DLEC1: variants seen among roughly 807,000 people sequenced by gnomAD.
DLEC1 encodes the protein deleted in lung and esophageal cancer protein 1.
In DLEC1, 146 loss-of-function variants were observed where a neutral mutation model predicts 198.1. That is an observed-to-expected ratio of 0.74 (90% CI 0.64 to 0.85). The LOEUF is 0.85. DLEC1 is among the 40% of genes least tolerant of loss of function. The probability of loss-of-function intolerance (pLI) is 0.00; values close to 1 mark genes in which losing one functional copy is unlikely to be tolerated. For missense variants in DLEC1, 2,233 were observed against 2,220.0 expected (o/e 1.01, Z -0.12); for synonymous variants, 897 against 866.8 (o/e 1.03, Z -0.61).
chr3:38,063,844 T>C lies in DLEC1; in HGVS notation c.1098T>C (p.Cys366=), dbSNP rs1696831331. The part of the protein sequence containing the change: ...EFQSTEPEQS[C]ADTPVFLAKP... ...CCCCTCTTTTTTCATCCCACAGTTG[T>C]GCTGATACTCCAGTGTTTCTAGCTA... Residue 366 remains cysteine (C), a synonymous_variant, in exon 6 of 37, where the codon TGT becomes TGC. Transcript: ENST00000308059. The C allele has an allele frequency of 4.3e-6, 7 of 1,613,412 alleles. No homozygotes were observed. Among genetic ancestry groups the C allele is most frequent in the Non-Finnish European group, 5.9e-6 (7 of 1,179,474 alleles).
chr3:38,088,282 T>C lies in DLEC1; in HGVS notation c.1573-14T>C. 6.2e-7 allele frequency: 1 copy of C among 1,611,586 alleles called. No homozygotes were observed. The highest frequency in any genetic ancestry group is 8.5e-7 in the Non-Finnish European group (1 of 1,177,830). On this transcript the variant is annotated splice_polypyrimidine_tract_variant and intron_variant, in intron 9 of 36. Transcript: ENST00000308059. ...ATGTCTTCCACACTGTTGGGTAATCTGCTTTTCTTTAAGGCCATTGCAACC... is the reference window on the plus strand; with the variant it reads ...ATGTCTTCCACACTGTTGGGTAATCCGCTTTTCTTTAAGGCCATTGCAACC...
chr3:38,121,716 A>G lies in DLEC1; in HGVS notation c.4955A>G (p.Gln1652Arg), dbSNP rs1200048639. Residue 1652 changes from glutamine to arginine, a missense_variant, in exon 35 of 37, where the codon CAG (glutamine) becomes CGG (arginine). By Grantham distance (43) the Gln-to-Arg change is conservative (BLOSUM62 1). Transcript: ENST00000308059. ...TTTGGGACCTGCTTTGTGAGCCAGC[A>G]GCGAGTCCGGGAGGTCTACCTGATG... ...VDFGTCFVSQ[Q>R]RVREVYLMNL... 1.2e-6 allele frequency: 2 copies of G among 1,614,102 alleles called. No individual in the cohort carries two copies. The highest frequency in any genetic ancestry group is 1.7e-6 in the Non-Finnish European group (2 of 1,179,972).
At chr3:38,044,299 C>T (rs1320134249) in intron 1 of DLEC1, among the ~76,000 whole-genome samples, 1 of 152,144 alleles carries the variant, frequency 6.6e-6, no homozygotes, top group Non-Finnish European at 1.5e-5. Flanking sequence ...TGGCTCATAA[C>T]TGCAATCCCA....
intron 6 of DLEC1, among the ~76,000 whole-genome samples, chr3:38,082,986 A>G (rs1698138371): frequency 6.6e-6 from 1 of 152,148 alleles, no homozygotes. Flanking sequence ...TGTCTCTACC[A>G]GAAAATGAAA....
intron 21 of DLEC1, among the ~76,000 whole-genome samples, chr3:38,109,200 G>A (rs561066324): frequency 2.6e-5 from 4 of 152,314 alleles, no homozygotes; most frequent in Admixed American, 2.6e-4. Flanking sequence ...CTCCCTTCAC[G>A]TGGGCATGCC....
intron 31 of DLEC1, 43 bp from the exon 32 acceptor site, chr3:38,117,484 C>A (rs1188107669): frequency 8.7e-6 from 14 of 1,613,442 alleles, no homozygotes; most frequent in Non-Finnish European, 1.1e-5. Flanking sequence ...GCCAGAAGGC[C>A]CCAGGCGCCC....
chr3:38,056,408 C>G (rs1010714533), intron 2 of DLEC1, among the ~76,000 whole-genome samples: 1 of 152,176 alleles, frequency 6.6e-6, no homozygotes, highest in African/African-American at 2.4e-5. Context: ...CTCCTGGGTT[C>G]AAGTGATTCT....
chr3:38,100,624 A>C (rs1204563292), intron 19 of DLEC1, among the ~76,000 whole-genome samples, 199 bp downstream of exon 19: 1 of 152,198 alleles, frequency 6.6e-6, no homozygotes, highest in East Asian at 1.9e-4. Context: ...ATCCACTGAT[A>C]ATATTATGTA....
At position 38,106,842 on chromosome 3, in the gene DLEC1, C is replaced by A. The variant is rs60857820; in HGVS notation, c.2865-742C>A. Among the ~76,000 whole-genome samples, 298 of 145,966 alleles carry A rather than the reference C, an allele frequency of 2.0e-3. 1 individual carries two copies. The highest frequency in any genetic ancestry group is 7.2e-3 in the Middle Eastern group (2 of 278). ...TCTAGGATAATCTCCTTTACTTAAA[C>A]TTAACTGATTATGAACATTAATCAT... is the stretch of plus-strand genomic sequence containing the variant. On this transcript the variant is annotated intron_variant, in intron 19 of 36. Transcript: ENST00000308059.
Position 38,108,455 on chromosome 3 carries a change from T to C in DLEC1, c.3069T>C (p.His1023=). The change falls in exon 21 of 37, where the codon CAT becomes CAC. Residue 1023 remains histidine, a synonymous_variant. Transcript: ENST00000308059. ...GCATGGTGACAGTCTCCCCCAAACA[T>C]GGCCTGCTGGGCCCAAGTGAGGAGT... ...EFCMVTVSPK[H]GLLGPSEECQ... 6.2e-7 allele frequency: 1 copy of C among 1,614,146 alleles called. No homozygotes were observed. The highest frequency in any genetic ancestry group is 1.7e-4 in the Middle Eastern group (1 of 6,048).
intron 2 of DLEC1, among the ~76,000 whole-genome samples, chr3:38,059,140 G>T (rs1273550642): frequency 6.6e-6 from 1 of 152,132 alleles, no homozygotes; most frequent in African/African-American, 2.4e-5. Context: ...AGCTGGCTGG[G>T]CTTGGCTGGC....
At chr3:38,095,636 C>A in intron 13 of DLEC1, 1 of 512,200 alleles carries the variant, frequency 2.0e-6, no homozygotes, top group South Asian at 2.5e-5. Flanking sequence ...GCTTTGTCAG[C>A]ATCAGGAAGG....
intron 27 of DLEC1, among the ~76,000 whole-genome samples, chr3:38,115,938 G>A (rs2125740137): frequency 6.6e-6 from 1 of 152,246 alleles, no homozygotes; most frequent in East Asian, 1.9e-4. Flanking sequence ...GGTACTCAGA[G>A]GGACGGCACA....
chr3:38,082,122 C>A (rs1698067848), intron 6 of DLEC1, among the ~76,000 whole-genome samples: 1 of 145,976 alleles, frequency 6.9e-6, no homozygotes, highest in East Asian at 2.1e-4. Flanking sequence ...CAGACGGGGT[C>A]TCGGCCAGGC....
intron 34 of DLEC1, among the ~76,000 whole-genome samples, chr3:38,121,185 G>A (rs547569935): frequency 6.6e-6 from 1 of 152,376 alleles, no homozygotes; most frequent in South Asian, 2.1e-4. Flanking sequence ...GGCTGAGGCT[G>A]TGGGATGGTG....
chr3:38,078,429 C>T (rs983846616), intron 6 of DLEC1, among the ~76,000 whole-genome samples: 75 of 152,154 alleles, frequency 4.9e-4, no homozygotes, highest in Admixed American at 3.3e-3. Flanking sequence ...CTACAGGGTG[C>T]GGTCCTGGCT....
chr3:38,079,951 T>G (rs1185506543), intron 6 of DLEC1, among the ~76,000 whole-genome samples: 1 of 152,198 alleles, frequency 6.6e-6, no homozygotes, highest in Non-Finnish European at 1.5e-5. Flanking sequence ...TGGAGTTGTA[T>G]TTAATGTCAG....
chr3:38,039,799 T>G (rs1392465650), intron 1 of DLEC1, among the ~76,000 whole-genome samples, 163 bp downstream of exon 1: 2 of 152,212 alleles, frequency 1.3e-5, no homozygotes, highest in African/African-American at 4.8e-5. Flanking sequence ...GGAAGGACGC[T>G]CTATCCATAC....
chr3:38,111,845 G>GACCAGA, intron 24 of DLEC1, 98 bp downstream of exon 24: 2 of 1,359,488 alleles, frequency 1.5e-6, no homozygotes, highest in South Asian at 2.7e-5. Flanking sequence ...GCGGGACCAG[G>GACCAGA]ACCAGAGACT....
Sources: allele counts gnomAD v4.1 joint callset (sites outside exome capture counted in the v4.1 genomes callset), GRCh38; gene constraint gnomAD v4.1.1; transcripts MANE v1.5; gene names NCBI Gene and HGNC (gene_info 2026-07-23, HGNC 2026-07-21).